The following CSMD1 variants were observed in gnomAD, a reference collection of about 807,000 sequenced individuals.
The protein encoded by CSMD1 is CUB and Sushi multiple domains 1, also known as CUB and sushi domain-containing protein 1.
A neutral mutation model predicts 417.5 loss-of-function variants in CSMD1; 213 were observed. The observed-to-expected ratio is 0.51, with a 90% CI of 0.46 to 0.57. The LOEUF is 0.57. CSMD1 is among the 20% of genes least tolerant of loss of function. CSMD1 has a pLI of 0.00. For synonymous variants in CSMD1, 2,862 were observed against 1,736.8 expected, an observed-to-expected ratio of 1.65 and a Z score of -16.11; for missense variants, 6,923 against 4,529.7, an observed-to-expected ratio of 1.53 and a Z score of -15.17.
chr8:4,367,880 A>G (rs913107902), intron 3 of CSMD1, among the ~76,000 whole-genome samples: 2 of 152,142 alleles, frequency 1.3e-5, no homozygotes, highest in African/African-American at 4.8e-5. Context: ...TAGAAATGCT[A>G]CTAATTTTCG....
chr8:4,418,813 G>A (rs975775541), intron 3 of CSMD1, among the ~76,000 whole-genome samples: 2 of 152,254 alleles, frequency 1.3e-5, no homozygotes, highest in Non-Finnish European at 1.5e-5. Context: ...CGTACTTAAA[G>A]GTGATAGACC....
At chr8:4,274,760 C>G (rs188507082) in intron 3 of CSMD1, among the ~76,000 whole-genome samples, 1 of 152,046 alleles carries the variant, frequency 6.6e-6, no homozygotes, top group African/African-American at 2.4e-5. Context: ...TCAGGAGATA[C>G]GGGATTATTA....
chr8:3,970,034 C>T (rs1344039687), intron 5 of CSMD1, among the ~76,000 whole-genome samples: 6 of 152,216 alleles, frequency 3.9e-5, no homozygotes, highest in Non-Finnish European at 8.8e-5. Flanking sequence ...CCTTTCCCTT[C>T]AGCATACTGA....
At chr8:3,405,980 G>A in intron 15 of CSMD1, 47 bp downstream of exon 15, 4 of 1,567,660 alleles carry the variant, frequency 2.6e-6, no homozygotes, top group Non-Finnish European at 3.5e-6. Flanking sequence ...CCTGAAGATA[G>A]ATGTGTGATT....
chr8:3,706,751 T>G (rs948242056), intron 7 of CSMD1, among the ~76,000 whole-genome samples: 1 of 151,556 alleles, frequency 6.6e-6, no homozygotes, highest in African/African-American at 2.4e-5. Flanking sequence ...GTGCAGGGTT[T>G]TATCATAAAA....
chr8:4,084,967 A>G (rs1009445651), intron 3 of CSMD1, among the ~76,000 whole-genome samples: 1 of 152,192 alleles, frequency 6.6e-6, no homozygotes, highest in Non-Finnish European at 1.5e-5. Flanking sequence ...AAAGAAGGAG[A>G]TGGCCATATT....
At chr8:3,630,603 G>T (rs1420754088) in intron 7 of CSMD1, among the ~76,000 whole-genome samples, 1 of 152,194 alleles carries the variant, frequency 6.6e-6, no homozygotes, top group African/African-American at 2.4e-5. Flanking sequence ...ACAGAAGGGT[G>T]AAGTGTTGGG....
chr8:4,200,449 A>C (rs1340286437), intron 3 of CSMD1, among the ~76,000 whole-genome samples: 2 of 152,150 alleles, frequency 1.3e-5, no homozygotes, highest in Non-Finnish European at 2.9e-5. Context: ...TCTACTCAAC[A>C]CTCTTATGGT....
At chr8:3,799,947 G>C (rs773246247) in intron 5 of CSMD1, among the ~76,000 whole-genome samples, 2 of 152,046 alleles carry the variant, frequency 1.3e-5, no homozygotes, top group African/African-American at 2.4e-5. Flanking sequence ...ATCAATAATG[G>C]AATAATGAAA....
At chr8:3,170,551 C>G (rs189663686) in intron 37 of CSMD1, among the ~76,000 whole-genome samples, 28 of 152,308 alleles carry the variant, frequency 1.8e-4, no homozygotes, top group Admixed American at 1.7e-3. Flanking sequence ...GCTTTACCCT[C>G]CCATAGCACA....
At chr8:3,701,880 C>T (rs1342743330) in intron 7 of CSMD1, among the ~76,000 whole-genome samples, 2 of 152,102 alleles carry the variant, frequency 1.3e-5, no homozygotes, top group African/African-American at 2.4e-5. Flanking sequence ...CACTGTGTGT[C>T]GTTATGAAGG....
At chr8:3,085,398 A>C (rs550557462) in intron 49 of CSMD1, among the ~76,000 whole-genome samples, 2 of 152,238 alleles carry the variant, frequency 1.3e-5, no homozygotes, top group Admixed American at 1.3e-4. Context: ...ATTTGAGAAC[A>C]AAGTCGTGTA....
intron 54 of CSMD1, among the ~76,000 whole-genome samples, chr8:2,987,971 T>C (rs984712360): frequency 1.5e-5 from 2 of 136,772 alleles, no homozygotes; most frequent in Non-Finnish European, 1.6e-5. Flanking sequence ...GGGGGTTGGC[T>C]GCACCTGTGA....
chr8:4,599,877 A>G (rs1800491969), intron 2 of CSMD1, among the ~76,000 whole-genome samples: 1 of 152,216 alleles, frequency 6.6e-6, no homozygotes, highest in Non-Finnish European at 1.5e-5. Flanking sequence ...AGTTACATTC[A>G]AAGAGTTTTT....
At chr8:4,660,617 T>G (rs73509086) in intron 1 of CSMD1, among the ~76,000 whole-genome samples, 23,042 of 151,948 alleles carry the variant, frequency 0.15, 3,585 homozygotes, top group African/African-American at 0.39. Flanking sequence ...ATAAAAAATA[T>G]TATAAATTAT....
chr8:4,431,247 G>A (rs1475268420), intron 2 of CSMD1, among the ~76,000 whole-genome samples: 2 of 151,994 alleles, frequency 1.3e-5, no homozygotes, highest in Non-Finnish European at 2.9e-5. Flanking sequence ...TAGTGAAATG[G>A]CTCAAAGATG....
At chr8:4,372,039 G>T (rs936949953) in intron 3 of CSMD1, among the ~76,000 whole-genome samples, 7 of 151,174 alleles carry the variant, frequency 4.6e-5, no homozygotes, top group African/African-American at 1.7e-4. Context: ...ACAGGTCATG[G>T]CAAGGTCTGG....
chr8:4,877,480 A>G (rs1803123985), intron 1 of CSMD1, among the ~76,000 whole-genome samples: 1 of 152,084 alleles, frequency 6.6e-6, no homozygotes, highest in Admixed American at 6.5e-5. Flanking sequence ...TTGCTATTTC[A>G]AAGTAGCTCC....
At chr8:3,919,950 C>A (rs1809112465) in intron 5 of CSMD1, among the ~76,000 whole-genome samples, 1 of 151,962 alleles carries the variant, frequency 6.6e-6, no homozygotes, top group Non-Finnish European at 1.5e-5. Context: ...AGAAACACAA[C>A]TGAGTCTTGT....
Sources: gnomAD v4.1 joint callset for allele counts (sites outside exome capture counted in the v4.1 genomes callset) on GRCh38, gnomAD v4.1.1 for gene constraint, MANE v1.5 for transcripts, NCBI Gene and HGNC (gene_info 2026-07-23, HGNC 2026-07-21) for gene names.